The following ASIC2 variants were observed in gnomAD, a reference collection of about 807,000 sequenced individuals.
ASIC2 encodes acid-sensing ion channel 2.
ASIC2 carries 25 observed loss-of-function variants against 57.3 expected under a neutral mutation model. That is an observed-to-expected ratio of 0.44 (90% confidence interval 0.32 to 0.61). ASIC2 has a LOEUF of 0.61. ASIC2 is among the 20% of genes least tolerant of loss of function. The pLI is 0.06. For missense variants in ASIC2, 641 were observed against 738.1 expected, an observed-to-expected ratio of 0.87 and a Z score of 1.52; for synonymous variants, 319 against 307.5, an observed-to-expected ratio of 1.04 and a Z score of -0.39.
At chr17:34,092,002 A>G (rs1910350486) in intron 1 of ASIC2, among the ~76,000 whole-genome samples, 1 of 152,152 alleles carries the variant, frequency 6.6e-6, no homozygotes, top group African/African-American at 2.4e-5. Flanking sequence ...TGGGGGTAGG[A>G]GCTTAGAAGC....
chr17:33,904,605 C>G (rs909076671), intron 1 of ASIC2, among the ~76,000 whole-genome samples: 2 of 152,174 alleles, frequency 1.3e-5, no homozygotes, highest in African/African-American at 4.8e-5. Flanking sequence ...ATTTAGGAGT[C>G]TCAGGAGACA....
intron 1 of ASIC2, among the ~76,000 whole-genome samples, chr17:33,591,655 T>C (rs1201884421): frequency 6.6e-6 from 1 of 152,158 alleles, no homozygotes; most frequent in Non-Finnish European, 1.5e-5. Flanking sequence ...AGGAGCCACC[T>C]CACCAGGAAA....
At position 33,668,061 on chromosome 17, in the gene ASIC2, T is replaced by C. The variant is rs552756009; in HGVS notation, c.555+487917A>G. Among the ~76,000 whole-genome samples the C allele has an allele frequency of 2.0e-4, 30 of 152,154 alleles. No homozygotes were observed. The South Asian group carries it at 6.0e-3, about 31-fold the overall frequency. The stretch of plus-strand genomic sequence containing the variant: ...TCCCCTAAGAGGAGACCACCGCCAT[T>C]TTGCATACATATGAGGTAGGAAGAA... On this transcript the variant is annotated intron_variant, in intron 1 of 9. Coordinates refer to the ASIC2 transcript ENST00000359872.
intron 1 of ASIC2, among the ~76,000 whole-genome samples, chr17:33,999,435 T>C (rs1906265753): frequency 6.6e-6 from 1 of 152,186 alleles, no homozygotes; most frequent in South Asian, 2.1e-4. Flanking sequence ...AGTTTCTTTG[T>C]TCCTTTCTTC....
chr17:33,776,089 T>A (rs1275789557), intron 1 of ASIC2, among the ~76,000 whole-genome samples: 1 of 144,962 alleles, frequency 6.9e-6, no homozygotes, highest in Admixed American at 7.1e-5. Context: ...GTCAAGATCA[T>A]GCCACTACAC....
chr17:33,123,062 C>T (rs1399757199), intron 1 of ASIC2, among the ~76,000 whole-genome samples: 1 of 152,164 alleles, frequency 6.6e-6, no homozygotes, highest in African/African-American at 2.4e-5. Flanking sequence ...TTAGTACACT[C>T]ATTTCAGAAA....
chr17:33,673,121 C>T (rs1907690691), intron 1 of ASIC2, among the ~76,000 whole-genome samples: 1 of 152,160 alleles, frequency 6.6e-6, no homozygotes, highest in South Asian at 2.1e-4. Flanking sequence ...CATTACAAAG[C>T]CCTGTAGGGT....
chr17:34,052,602 C>G (rs941187360), intron 1 of ASIC2, among the ~76,000 whole-genome samples: 2 of 151,858 alleles, frequency 1.3e-5, no homozygotes, highest in Non-Finnish European at 2.9e-5. Context: ...GTAAATAACC[C>G]TGCCTATGAA....
At chr17:33,358,714 G>T (rs61053067) in intron 1 of ASIC2, among the ~76,000 whole-genome samples, 1,951 of 152,260 alleles carry the variant, frequency 0.013, 47 homozygotes, top group African/African-American at 0.044. Flanking sequence ...TTAACAGAAA[G>T]GTTCATGCTA....
intron 1 of ASIC2, among the ~76,000 whole-genome samples, chr17:33,703,706 G>A (rs941225711): frequency 1.3e-5 from 2 of 152,166 alleles, no homozygotes; most frequent in African/African-American, 4.8e-5. Flanking sequence ...AGCAGGGGAA[G>A]GTACATTCAG....
At chr17:33,906,726 T>C (rs2141956670) in intron 1 of ASIC2, among the ~76,000 whole-genome samples, 1 of 152,312 alleles carries the variant, frequency 6.6e-6, no homozygotes, top group Non-Finnish European at 1.5e-5. Context: ...CTCTCTACAT[T>C]TCTCTAGGTC....
At chr17:33,814,642 T>TA (rs1186380496) in intron 1 of ASIC2, among the ~76,000 whole-genome samples, 3 of 152,244 alleles carry the variant, frequency 2.0e-5, no homozygotes, top group African/African-American at 7.2e-5. Flanking sequence ...TCCTAGAACT[T>TA]ACTAAGCCAA....
intron 1 of ASIC2, among the ~76,000 whole-genome samples, chr17:34,023,378 AACACACAC>A (rs59456457): frequency 2.0e-5 from 3 of 147,498 alleles, no homozygotes; most frequent in Admixed American, 1.3e-4. Flanking sequence ...CTCTGTCACA[AACACACAC>A]ACACACACAC....
intron 1 of ASIC2, among the ~76,000 whole-genome samples, chr17:33,146,155 T>C (rs2142023659): frequency 6.6e-6 from 1 of 152,166 alleles, no homozygotes; most frequent in East Asian, 1.9e-4. Context: ...ACTTCCCGCC[T>C]CCTCAGAGTC....
chr17:33,022,104 G>C (rs113864955), intron 6 of ASIC2, among the ~76,000 whole-genome samples: 14 of 152,288 alleles, frequency 9.2e-5, no homozygotes, highest in African/African-American at 3.4e-4. Context: ...AGGGGCTGGC[G>C]AAGAGAGGAG....
chr17:33,296,505 G>A (rs1221702032), upstream of ASIC2, among the ~76,000 whole-genome samples: 2 of 152,172 alleles, frequency 1.3e-5, no homozygotes, highest in Admixed American at 6.5e-5. Flanking sequence ...CAAGAAATTA[G>A]CATTTAGCAT....
At chr17:34,095,633 TTATATA>T (rs796194067) in intron 1 of ASIC2, among the ~76,000 whole-genome samples, 37 of 98,162 alleles carry the variant, frequency 3.8e-4, no homozygotes, top group African/African-American at 1.3e-3. Flanking sequence ...ATATATAATT[TTATATA>T]TATATATATA....
chr17:34,049,121 G>A (rs1179500245), intron 1 of ASIC2, among the ~76,000 whole-genome samples: 1 of 151,970 alleles, frequency 6.6e-6, no homozygotes, highest in East Asian at 1.9e-4. Flanking sequence ...AACATAGACT[G>A]TCCCTACAAA....
intron 1 of ASIC2, among the ~76,000 whole-genome samples, chr17:33,305,797 C>T (rs949083997): frequency 6.6e-6 from 1 of 152,184 alleles, no homozygotes; most frequent in Non-Finnish European, 1.5e-5. Context: ...ATAAATAAAT[C>T]CTTAATTCTT....
Sources: allele counts gnomAD v4.1 joint callset (sites outside exome capture counted in the v4.1 genomes callset), GRCh38; gene constraint gnomAD v4.1.1; transcripts MANE v1.5; gene names NCBI Gene and HGNC (gene_info 2026-07-23, HGNC 2026-07-21).